The following SYNDIG1 variants were observed in gnomAD, a reference collection of about 807,000 sequenced individuals.
SYNDIG1 encodes synapse differentiation inducing 1.
A neutral mutation model predicts 19.4 loss-of-function variants in SYNDIG1; 9 were observed. The ratio of observed to expected loss-of-function variants is 0.46; its 90% CI spans 0.28 to 0.81. The LOEUF is 0.81. Ranked by LOEUF, SYNDIG1 falls within the 30% of genes least tolerant of loss-of-function variation. The pLI, the probability that SYNDIG1 is intolerant of heterozygous loss-of-function variation, is 0.12. For synonymous variants in SYNDIG1, 141 were observed against 145.9 expected (o/e 0.97, Z 0.24); for missense variants, 311 against 343.3 (o/e 0.91, Z 0.74).
At chr20:24,525,491 C>A (rs1230275442) in intron 1 of SYNDIG1, among the ~76,000 whole-genome samples, 1 of 151,982 alleles carries the variant, frequency 6.6e-6, no homozygotes, top group Non-Finnish European at 1.5e-5. Flanking sequence ...ACGATGTGGG[C>A]CAGGCTGGTC....
At chr20:24,532,663 G>C (rs770639089) in intron 1 of SYNDIG1, among the ~76,000 whole-genome samples, 1 of 152,132 alleles carries the variant, frequency 6.6e-6, no homozygotes, top group Non-Finnish European at 1.5e-5. Flanking sequence ...TAAAGTTAAA[G>C]AAAGCAACAG....
rs569095133 is a variant in SYNDIG1 at position 24,503,869 on chromosome 20, G to A, written c.-79+34116G>A. On this transcript the variant is annotated intron_variant, in intron 1 of 3. Transcript: ENST00000376862. ...AGCGCCTACTGCAGGGTGCGTACTCGGGCATGACTTGTTGAATGACTGGAT... is the reference window on the plus strand; with the variant it reads ...AGCGCCTACTGCAGGGTGCGTACTCAGGCATGACTTGTTGAATGACTGGAT... Among the ~76,000 whole-genome samples, 19 of 152,188 alleles carry A rather than the reference G, an allele frequency of 1.2e-4. No individual in the cohort carries two copies. The East Asian group carries it at 2.3e-3, about 19-fold the overall frequency.
At chr20:24,607,790 T>C (rs1348852717) in intron 3 of SYNDIG1, among the ~76,000 whole-genome samples, 1 of 152,230 alleles carries the variant, frequency 6.6e-6, no homozygotes, top group Non-Finnish European at 1.5e-5. Context: ...TGTACTCCAT[T>C]TGACGAAAAC....
rs1013937615 is a variant in SYNDIG1 at position 24,557,795 on chromosome 20, G to T, written c.480+14218G>T. On this transcript the variant is annotated intron_variant, in intron 2 of 3. Coordinates refer to ENST00000376862, the MANE Select transcript of SYNDIG1 (RefSeq NM_024893.3). ...TGAGGAGTCAGTCTGCCCGTTCTCA[G>T]ATCTCCAGCCGCATGCTGGGAGAAC... 7.9e-5 allele frequency among the ~76,000 whole-genome samples: 12 copies of T among 152,326 alleles called. No individual in the cohort carries two copies. In the East Asian group the frequency reaches 2.3e-3, roughly 29 times the overall value.
intron 2 of SYNDIG1, among the ~76,000 whole-genome samples, chr20:24,566,462 A>G (rs1227148567): frequency 2.0e-5 from 3 of 152,238 alleles, no homozygotes; most frequent in Admixed American, 6.5e-5. Context: ...AAATGAAACT[A>G]TCAAAGCCCT....
chr20:24,570,915 C>T (rs1030309083), intron 2 of SYNDIG1, among the ~76,000 whole-genome samples: 2 of 152,052 alleles, frequency 1.3e-5, no homozygotes, highest in Non-Finnish European at 2.9e-5. Context: ...TTAAACACAT[C>T]GTGTTACTTA....
intron 1 of SYNDIG1, among the ~76,000 whole-genome samples, chr20:24,486,666 T>TTG (rs1368660904): frequency 2.4e-4 from 37 of 151,884 alleles, no homozygotes; most frequent in African/African-American, 8.9e-4. Flanking sequence ...TTAATTTTTT[T>TTG]TTTGTTTTTT....
At chr20:24,619,345 G>A (rs2059000922) in intron 3 of SYNDIG1, among the ~76,000 whole-genome samples, 1 of 152,192 alleles carries the variant, frequency 6.6e-6, no homozygotes, top group Admixed American at 6.5e-5. Flanking sequence ...TGGGGACCCA[G>A]GGCCATTCCT....
At chr20:24,618,862 T>C (rs1445187108) in intron 3 of SYNDIG1, among the ~76,000 whole-genome samples, 1 of 152,200 alleles carries the variant, frequency 6.6e-6, no homozygotes, top group Non-Finnish European at 1.5e-5. Context: ...GTGGTTGTTG[T>C]TGTTTCAGAT....
At chr20:24,607,820 C>A (rs541662350) in intron 3 of SYNDIG1, among the ~76,000 whole-genome samples, 1 of 152,258 alleles carries the variant, frequency 6.6e-6, no homozygotes, top group African/African-American at 2.4e-5. Flanking sequence ...TTTTAAAACT[C>A]CCAATATTTA....
Position 24,511,201 on chromosome 20 carries a change from T to C in SYNDIG1, c.-78-31819T>C, listed in dbSNP as rs1030629256. Among the ~76,000 whole-genome samples the C allele has an allele frequency of 4.6e-5, 7 of 152,214 alleles. No homozygotes were observed. The East Asian group carries it at 1.3e-3, about 29-fold the overall frequency. On this transcript the variant is annotated intron_variant, in intron 1 of 3. Transcript: ENST00000376862. ...TTGGTAAATTTTAAAATTTTGAATG[T>C]CAACCTTTCTCCATGACACTTTAAC...
In SYNDIG1 at chr20:24,498,037, A is replaced by G. The variant is rs574363220; in HGVS notation, c.-79+28284A>G. ...TGGGCAGGTTATTTAAATAAACACTAGAATCTCACAGCCCTCATTCCAGGG... is the reference window on the plus strand; with the variant it reads ...TGGGCAGGTTATTTAAATAAACACTGGAATCTCACAGCCCTCATTCCAGGG... On this transcript the variant is annotated intron_variant, in intron 1 of 3. Transcript: ENST00000376862. Among the ~76,000 whole-genome samples, 10 of 152,376 alleles carry G rather than the reference A, an allele frequency of 6.6e-5. No homozygotes were observed. The East Asian group carries it at 1.5e-3, about 23-fold the overall frequency.
At chr20:24,538,245 A>G (rs564271425) in intron 1 of SYNDIG1, among the ~76,000 whole-genome samples, 1 of 152,208 alleles carries the variant, frequency 6.6e-6, no homozygotes. Context: ...TTCCATACCT[A>G]TTAAATAATA....
chr20:24,497,075 A>T (rs538806903), intron 1 of SYNDIG1, among the ~76,000 whole-genome samples: 7 of 152,278 alleles, frequency 4.6e-5, no homozygotes, highest in African/African-American at 1.4e-4. Flanking sequence ...TTTTATCAGA[A>T]TTTTATTCTT....
chr20:24,558,095 G>A (rs1006154648), intron 2 of SYNDIG1, among the ~76,000 whole-genome samples: 1 of 152,204 alleles, frequency 6.6e-6, no homozygotes, highest in Non-Finnish European at 1.5e-5. Flanking sequence ...CAATCGTGAT[G>A]AATGAGGGGC....
intron 2 of SYNDIG1, among the ~76,000 whole-genome samples, chr20:24,550,098 CACTT>C (rs1217577490): frequency 6.6e-6 from 1 of 152,196 alleles, no homozygotes; most frequent in Non-Finnish European, 1.5e-5. Context: ...TGCCTTTTCT[CACTT>C]AGGGCCACAG....
intron 3 of SYNDIG1, among the ~76,000 whole-genome samples, chr20:24,592,460 G>T (rs2058528475): frequency 6.6e-6 from 1 of 152,046 alleles, no homozygotes; most frequent in African/African-American, 2.4e-5. Flanking sequence ...GAGAGTGTGG[G>T]GACATGGGTT....
At chr20:24,509,476 G>A (rs1032643088) in intron 1 of SYNDIG1, among the ~76,000 whole-genome samples, 2 of 152,118 alleles carry the variant, frequency 1.3e-5, no homozygotes, top group South Asian at 2.1e-4. Flanking sequence ...TCTAACTTTT[G>A]TTCCAGTAGA....
chr20:24,570,206 GAAGAA>G (rs2058118225), intron 2 of SYNDIG1, among the ~76,000 whole-genome samples: 1 of 152,186 alleles, frequency 6.6e-6, no homozygotes, highest in Non-Finnish European at 1.5e-5. Context: ...AAAGCTTTTA[GAAGAA>G]AACAGAAAAT....
Sources: gnomAD v4.1 joint callset for allele counts (sites outside exome capture counted in the v4.1 genomes callset) on GRCh38, gnomAD v4.1.1 for gene constraint, MANE v1.5 for transcripts, NCBI Gene and HGNC (gene_info 2026-07-23, HGNC 2026-07-21) for gene names.